The following ADAMTS9 variants were observed in gnomAD, a reference collection of about 807,000 sequenced individuals.
The protein encoded by ADAMTS9 is A disintegrin and metalloproteinase with thrombospondin motifs 9.
Under a neutral mutation model 257.1 loss-of-function variants are expected in ADAMTS9, and 107 were observed. The observed-to-expected ratio is 0.42, with a 90% CI of 0.36 to 0.49. The LOEUF (loss-of-function observed/expected upper bound fraction) is 0.49. Ranked by LOEUF, ADAMTS9 falls within the 20% of genes least tolerant of loss-of-function variation. The pLI, the probability that ADAMTS9 is intolerant of heterozygous loss-of-function variation, is 0.03. For missense variants in ADAMTS9, 2,353 were observed against 2,469.1 expected, an observed-to-expected ratio of 0.95 and a Z score of 1.00; for synonymous variants, 982 against 880.9, an observed-to-expected ratio of 1.11 and a Z score of -2.03.
At chr3:64,614,979 T>C (rs549106098) in intron 21 of ADAMTS9, 3 of 193,120 alleles carry the variant, frequency 1.6e-5, no homozygotes, top group Admixed American at 5.9e-5. Flanking sequence ...TGTGAGCTAG[T>C]ATAGCTTTAT....
At chr3:64,548,308 T>C (rs147547473) in intron 31 of ADAMTS9, among the ~76,000 whole-genome samples, 78 of 152,274 alleles carry the variant, frequency 5.1e-4, no homozygotes, top group African/African-American at 1.6e-3. Flanking sequence ...GCTCGAGACA[T>C]AGAAATGCTC....
Position 64,551,028 on chromosome 3 carries a change from C to T in ADAMTS9, c.4733G>A (p.Arg1578His), listed in dbSNP as rs372066084. ...TKTCGEGSRY[R>H]KVVCVDDNKN... Reference sequence around the variant, plus strand: ...GTTGTCATCCACACACACCACCTTGCGGTACCTGGAGCCTTCGCCGCAGGT... The same window carrying T: ...GTTGTCATCCACACACACCACCTTGTGGTACCTGGAGCCTTCGCCGCAGGT... The change falls in exon 31 of 40, where the codon CGC becomes CAC. Residue 1578 changes from arginine to histidine, a missense_variant. By Grantham distance (29) the Arg-to-His change is conservative. Transcript: ENST00000498707. 5 of 1,614,072 alleles carry T rather than the reference C, an allele frequency of 3.1e-6. No homozygotes were observed. In the African/African-American group the frequency reaches 4.0e-5, roughly 13 times the overall value.
At chr3:64,630,757 A>C (rs7636767) in intron 16 of ADAMTS9, among the ~76,000 whole-genome samples, 81,669 of 152,046 alleles carry the variant, frequency 0.54, 23,465 homozygotes, top group African/African-American at 0.75. Context: ...GCACATCTTG[A>C]ACATGTACTC....
At chr3:64,681,789 T>C (rs1298685540) in intron 2 of ADAMTS9, among the ~76,000 whole-genome samples, 1 of 152,130 alleles carries the variant, frequency 6.6e-6, no homozygotes, top group Non-Finnish European at 1.5e-5. Context: ...CCTCCCAAAG[T>C]GTCATATCAG....
chr3:64,523,227 TAA>T (rs915455530), intron 38 of ADAMTS9, among the ~76,000 whole-genome samples: 10 of 152,158 alleles, frequency 6.6e-5, no homozygotes, highest in Admixed American at 1.3e-4. Context: ...GGGAACCACA[TAA>T]ACAGTCAATT....
intron 38 of ADAMTS9, among the ~76,000 whole-genome samples, chr3:64,530,403 C>T (rs971194459): frequency 2.1e-4 from 32 of 152,024 alleles, no homozygotes; most frequent in African/African-American, 6.8e-4. Flanking sequence ...AGCATTTCTC[C>T]AGACAGCCGG....
chr3:64,536,102 T>C (rs1156963511), intron 37 of ADAMTS9, among the ~76,000 whole-genome samples: 1 of 152,138 alleles, frequency 6.6e-6, no homozygotes, highest in Non-Finnish European at 1.5e-5. Context: ...GACCTGGGCG[T>C]CCAGTGTCTG....
intron 26 of ADAMTS9, among the ~76,000 whole-genome samples, chr3:64,600,895 C>T (rs1460249741): frequency 6.6e-6 from 1 of 152,120 alleles, no homozygotes; most frequent in East Asian, 1.9e-4. Context: ...AGCCCAGAAA[C>T]AATTAAACAG....
chr3:64,659,745 G>C (rs1444699112), intron 3 of ADAMTS9, among the ~76,000 whole-genome samples: 1 of 152,156 alleles, frequency 6.6e-6, no homozygotes, highest in African/African-American at 2.4e-5. Context: ...TGGGCAGGCA[G>C]CTGGGACCAT....
chr3:64,517,377 C>T (rs55977118), intron 39 of ADAMTS9, among the ~76,000 whole-genome samples: 2 of 136,442 alleles, frequency 1.5e-5, no homozygotes, highest in South Asian at 4.8e-4. Context: ...GTAGCTGGGT[C>T]TACAGGTGCA....
At chr3:64,600,243 T>C (rs984186599) in intron 26 of ADAMTS9, among the ~76,000 whole-genome samples, 6 of 152,158 alleles carry the variant, frequency 3.9e-5, no homozygotes, top group Non-Finnish European at 5.9e-5. Context: ...ACAGTTTGTG[T>C]ACCATGCAAT....
At position 64,541,906 on chromosome 3, in the gene ADAMTS9, T is replaced by A; in HGVS notation, c.5129A>T (p.Gln1710Leu). Residue 1710 changes from glutamine to leucine, a missense_variant, in exon 33 of 40, where the codon CAA becomes CTA. Physicochemically the swap from Gln to Leu is moderately radical, Grantham distance 113. This residue lies in a region of ADAMTS9 where 1,402 missense variants were observed against 1,441.4 expected (regional missense o/e 0.97). Transcript: ENST00000498707. ...ATCAGTGTGGCATAAGTGGCTGGGT[T>A]GGTCCTCATTGGTTAAACATTGCAC... is the stretch of plus-strand genomic sequence containing the variant. ...RSVQCLTNED[Q>L]PSHLCHTDLK... 6.2e-7 allele frequency: 1 copy of A among 1,614,172 alleles called. No homozygotes were observed. Among genetic ancestry groups the A allele is most frequent in the Non-Finnish European group, 8.5e-7 (1 of 1,179,998 alleles).
intron 28 of ADAMTS9, among the ~76,000 whole-genome samples, chr3:64,591,443 A>G (rs2084257018): frequency 6.6e-6 from 1 of 152,100 alleles, no homozygotes; most frequent in East Asian, 1.9e-4. Flanking sequence ...CTGTCTCAAA[A>G]AAAAAAAGGA....
chr3:64,627,254 C>T (rs1700246182), intron 16 of ADAMTS9, among the ~76,000 whole-genome samples: 1 of 151,864 alleles, frequency 6.6e-6, no homozygotes, highest in Non-Finnish European at 1.5e-5. Context: ...GGCATTTCAC[C>T]CTTCCATGCA....
At chr3:64,634,552 C>T (rs547226051) in intron 12 of ADAMTS9, among the ~76,000 whole-genome samples, 2 of 152,240 alleles carry the variant, frequency 1.3e-5, no homozygotes, top group Non-Finnish European at 2.9e-5. Context: ...CCTTGCAAAG[C>T]ATCACAGTGC....
Position 64,621,237 on chromosome 3 carries a change from T to A in ADAMTS9, c.2690A>T (p.Glu897Val). The change falls in exon 19 of 40, where the codon GAA becomes GTA. Residue 897 changes from glutamate (E) to valine (V), a missense_variant. Coordinates refer to ENST00000498707, the MANE Select transcript of ADAMTS9 (RefSeq NM_182920.2). ...GGTGCAAACAAGTTTTCGTTTCCGT[T>A]CCCCTAAGCAGAAAGGGAAAAAAAA... ...WQACSKPCQG[E>V]RKRKLVCTRE... is the part of the protein sequence containing the mutation. 3 of 1,611,746 alleles carry A rather than the reference T, an allele frequency of 1.9e-6. No individual in the cohort carries two copies. The highest frequency in any genetic ancestry group is 2.5e-6 in the Non-Finnish European group (3 of 1,179,404).
chr3:64,568,576 A>G lies in ADAMTS9; in HGVS notation c.4357-41T>C, dbSNP rs746152085. Reference sequence around the variant, plus strand: ...ATGGCAAGGTTGTTGTTGTTTTTTAATTACACGGAGTTTGAGAAAAAACCT... The same window carrying G: ...ATGGCAAGGTTGTTGTTGTTTTTTAGTTACACGGAGTTTGAGAAAAAACCT... On this transcript the variant is annotated intron_variant, in intron 28 of 39. Coordinates refer to ENST00000498707, the MANE Select transcript of ADAMTS9 (RefSeq NM_182920.2). 10 of 1,603,696 alleles carry G rather than the reference A, an allele frequency of 6.2e-6. No individual in the cohort carries two copies. In the Admixed American group the frequency reaches 1.8e-4, roughly 28 times the overall value.
At chr3:64,663,313 G>A (rs1701270618) in intron 3 of ADAMTS9, among the ~76,000 whole-genome samples, 1 of 151,984 alleles carries the variant, frequency 6.6e-6, no homozygotes. Flanking sequence ...CACTAAGTTT[G>A]TGAAAAGTAA....
chr3:64,632,835 A>C (rs894018723), intron 14 of ADAMTS9, among the ~76,000 whole-genome samples: 1 of 151,946 alleles, frequency 6.6e-6, no homozygotes, highest in Admixed American at 6.6e-5. Context: ...AGGCAAAAAA[A>C]AAAAAACAAA....
Sources: allele counts gnomAD v4.1 joint callset (sites outside exome capture counted in the v4.1 genomes callset), GRCh38; gene constraint gnomAD v4.1.1; regional missense constraint gnomAD v4.1.1; transcripts MANE v1.5; gene names NCBI Gene and HGNC (gene_info 2026-07-23, HGNC 2026-07-21).